Variants in HS6ST3 observed in about 807,000 individuals in gnomAD.
The protein encoded by HS6ST3 is heparan-sulfate 6-O-sulfotransferase 3.
Under a neutral mutation model 36.7 loss-of-function variants are expected in HS6ST3, and 12 were observed. The ratio of observed to expected loss-of-function variants is 0.33; its 90% CI spans 0.21 to 0.53. The LOEUF (loss-of-function observed/expected upper bound fraction) is 0.53, where lower values mean the gene tolerates loss of function less well. Among genes scored for constraint, HS6ST3 ranks in the 20% least tolerant of loss-of-function variants. The pLI, the probability that HS6ST3 is intolerant of heterozygous loss-of-function variation, is 0.95. For synonymous variants in HS6ST3, 240 were observed against 257.5 expected (o/e 0.93, Z 0.65); for missense variants, 584 against 640.9 (o/e 0.91, Z 0.96).
At chr13:96,789,007 A>G (rs532520345) in intron 1 of HS6ST3, among the ~76,000 whole-genome samples, 2 of 151,554 alleles carry the variant, frequency 1.3e-5, no homozygotes, top group South Asian at 4.2e-4. Flanking sequence ...GACTATTTAC[A>G]TTTCATTACT....
At chr13:96,133,361 C>T (rs984563472) in intron 1 of HS6ST3, among the ~76,000 whole-genome samples, 4 of 151,808 alleles carry the variant, frequency 2.6e-5, no homozygotes, top group African/African-American at 4.8e-5. Context: ...CTCCTGACCT[C>T]GTGATCCGCC....
In HS6ST3 at chr13:96,838,735, G is replaced by A. The variant is rs1352948124; in HGVS notation, c.*5537G>A. 6.6e-6 allele frequency: 1 copy of A among 152,084 alleles called. No individual in the cohort carries two copies. Among genetic ancestry groups the A allele is most frequent in the African/African-American group, 2.4e-5 (1 of 41,426 alleles). The allele number at this position is 152,084 out of a possible 1,614,324, so 9.4% of individuals were successfully genotyped here. A position where few individuals can be genotyped will look rare whatever the true frequency, so the allele number is the denominator to read the frequency against. ...TTAGCCCTTCTGAGCAAGTGGGCAGGTTCTGAAACCTGTGTGTTTTGTAGC... is the reference window on the plus strand; with the variant it reads ...TTAGCCCTTCTGAGCAAGTGGGCAGATTCTGAAACCTGTGTGTTTTGTAGC... On this transcript the variant is annotated 3_prime_UTR_variant, in exon 2 of 2. Transcript: ENST00000376705.
At chr13:96,375,676 A>G (rs559846371) in intron 1 of HS6ST3, among the ~76,000 whole-genome samples, 1 of 152,208 alleles carries the variant, frequency 6.6e-6, no homozygotes, top group Admixed American at 6.5e-5. Flanking sequence ...AAGCCAATTA[A>G]CATGTGCCAC....
chr13:96,417,026 A>G (rs1244655522), intron 1 of HS6ST3, among the ~76,000 whole-genome samples: 1 of 152,194 alleles, frequency 6.6e-6, no homozygotes, highest in Non-Finnish European at 1.5e-5. Context: ...CTGGGATTAC[A>G]GGCGTGAGCC....
chr13:96,311,045 A>G (rs1453119554), intron 1 of HS6ST3, among the ~76,000 whole-genome samples: 2 of 152,188 alleles, frequency 1.3e-5, no homozygotes, highest in African/African-American at 4.8e-5. Flanking sequence ...AGATAACTCC[A>G]TGAAGCCAAG....
intron 1 of HS6ST3, among the ~76,000 whole-genome samples, chr13:96,317,368 A>ATC (rs2054979440): frequency 2.2e-4 from 4 of 18,028 alleles, no homozygotes; most frequent in East Asian, 1.5e-3. Context: ...ATATATATAT[A>ATC]AAATTATATA....
chr13:96,708,984 G>C (rs1875496140), intron 1 of HS6ST3, among the ~76,000 whole-genome samples: 1 of 151,960 alleles, frequency 6.6e-6, no homozygotes, highest in Admixed American at 6.6e-5. Flanking sequence ...ATATGATTTG[G>C]CTCTGTGTCC....
rs557460886 is a variant in HS6ST3 at position 96,622,009 on chromosome 13, G to A, written c.708-210481G>A. Among the ~76,000 whole-genome samples the A allele has an allele frequency of 1.4e-4, 8 of 55,810 alleles. No homozygotes were observed. In the East Asian group the frequency reaches 6.3e-3, roughly 44 times the overall value. The allele number at this position is 55,810 out of a possible 152,430, so 36.6% of individuals were successfully genotyped here. ...CAAAGCAGGGCTATGTGCAAAGGGTGTAACATCAATTCTGGACTGTGAAGT... is the reference window on the plus strand; with the variant it reads ...CAAAGCAGGGCTATGTGCAAAGGGTATAACATCAATTCTGGACTGTGAAGT... On this transcript the variant is annotated intron_variant, in intron 1 of 1. Coordinates refer to ENST00000376705, the MANE Select transcript of HS6ST3 (RefSeq NM_153456.4).
intron 1 of HS6ST3, among the ~76,000 whole-genome samples, chr13:96,388,919 C>T (rs1157506261): frequency 6.6e-6 from 1 of 152,180 alleles, no homozygotes; most frequent in East Asian, 1.9e-4. Context: ...AATTAAACCT[C>T]TTTCCTTTAA....
At chr13:96,565,375 G>T (rs1253212100) in intron 1 of HS6ST3, among the ~76,000 whole-genome samples, 3 of 152,054 alleles carry the variant, frequency 2.0e-5, no homozygotes, top group Non-Finnish European at 4.4e-5. Context: ...TAGATCCTCA[G>T]ATCCCAAAAT....
intron 1 of HS6ST3, among the ~76,000 whole-genome samples, chr13:96,736,768 A>G (rs1876294734): frequency 6.6e-6 from 1 of 152,230 alleles, no homozygotes; most frequent in African/African-American, 2.4e-5. Context: ...ATCAAATTCA[A>G]TGAAAATAGA....
At chr13:96,259,768 G>A (rs963685409) in intron 1 of HS6ST3, among the ~76,000 whole-genome samples, 1 of 151,938 alleles carries the variant, frequency 6.6e-6, no homozygotes, top group East Asian at 1.9e-4. Context: ...TTTTCTACCT[G>A]TTGTTGTTTA....
intron 1 of HS6ST3, among the ~76,000 whole-genome samples, chr13:96,241,823 T>G (rs1007088343): frequency 1.3e-5 from 2 of 149,944 alleles, no homozygotes; most frequent in Non-Finnish European, 3.0e-5. Context: ...TCTGGCTCTG[T>G]CGCCAAGGCT....
intron 1 of HS6ST3, among the ~76,000 whole-genome samples, chr13:96,663,337 G>T (rs61967758): frequency 0.013 from 1,970 of 152,262 alleles, 18 homozygotes; most frequent in Non-Finnish European, 0.022. Flanking sequence ...GTTCTCCATG[G>T]GAAATTTGAG....
intron 1 of HS6ST3, among the ~76,000 whole-genome samples, chr13:96,132,606 A>C (rs2053981685): frequency 6.6e-6 from 1 of 151,920 alleles, no homozygotes; most frequent in Admixed American, 6.6e-5. Flanking sequence ...GGGTCCCACT[A>C]TGTTGCCCAG....
chr13:96,149,140 T>C (rs566687427), intron 1 of HS6ST3, among the ~76,000 whole-genome samples: 58 of 152,272 alleles, frequency 3.8e-4, no homozygotes, highest in African/African-American at 1.4e-3. Context: ...TCAAAGATCA[T>C]TTAAATAAAC....
At chr13:96,702,659 GA>G (rs975520096) in intron 1 of HS6ST3, among the ~76,000 whole-genome samples, 1 of 152,074 alleles carries the variant, frequency 6.6e-6, no homozygotes, top group African/African-American at 2.4e-5. Flanking sequence ...TGCAGGTACA[GA>G]AAAAATGAAA....
At chr13:96,412,509 C>T (rs1360979593) in intron 1 of HS6ST3, among the ~76,000 whole-genome samples, 1 of 152,084 alleles carries the variant, frequency 6.6e-6, no homozygotes, top group Admixed American at 6.6e-5. Context: ...CCATCTTATT[C>T]TTAATCCATT....
chr13:96,344,757 G>A (rs2055145748), intron 1 of HS6ST3, among the ~76,000 whole-genome samples: 1 of 152,098 alleles, frequency 6.6e-6, no homozygotes, highest in Admixed American at 6.5e-5. Context: ...GAAGGTCATT[G>A]CTTGTGAACA....
Sources: allele counts gnomAD v4.1 joint callset (sites outside exome capture counted in the v4.1 genomes callset), GRCh38; gene constraint gnomAD v4.1.1; transcripts MANE v1.5; gene names NCBI Gene and HGNC (gene_info 2026-07-23, HGNC 2026-07-21).